CNIH3: variants seen among roughly 807,000 people sequenced by gnomAD.
The protein encoded by CNIH3 is cornichon family AMPA receptor auxiliary protein 3, also known as protein cornichon homolog 3.
CNIH3 carries 14 observed loss-of-function variants against 24.1 expected under a neutral mutation model. The observed-to-expected ratio is 0.58, with a 90% CI of 0.38 to 0.91. The LOEUF is 0.91. CNIH3 is among the 40% of genes least tolerant of loss of function. The pLI is 0.00. For synonymous variants in CNIH3, 68 were observed against 73.8 expected, an observed-to-expected ratio of 0.92 and a Z score of 0.40; for missense variants, 178 against 196.8, an observed-to-expected ratio of 0.90 and a Z score of 0.57.
rs1689765219 is a variant in CNIH3, at chr1:224,739,457, C to T, written c.*101C>T. ...TGGAGGAGGGACCAGAATGAGGATA[C>T]GTGAGAAATAGACCCGGCAGGCAGT... On this transcript the variant is annotated 3_prime_UTR_variant, in exon 6 of 6. Coordinates refer to ENST00000272133, the MANE Select transcript of CNIH3 (RefSeq NM_152495.2). 1.6e-5 allele frequency: 25 copies of T among 1,567,862 alleles called. No individual in the cohort carries two copies. Among genetic ancestry groups the T allele is most frequent in the South Asian group, 7.2e-5 (6 of 83,574 alleles).
rs1678013516 is a variant in CNIH3, at chr1:224,508,683, A to C, written n.204-7058A>C. Among the ~76,000 whole-genome samples, 4 of 152,230 alleles carry C rather than the reference A, an allele frequency of 2.6e-5. No individual in the cohort carries two copies. The South Asian group carries it at 8.3e-4, about 31-fold the overall frequency. ...TGATATCCCATTACTTAGAGTATCA[A>C]ATATATCTTTAATTCAACATTCTTC... On this transcript the variant is annotated intron_variant and non_coding_transcript_variant, in intron 1 of 5. Transcript: ENST00000471578.
intron 3 of CNIH3, among the ~76,000 whole-genome samples, chr1:224,729,658 T>C (rs1038740698): frequency 6.6e-6 from 1 of 152,108 alleles, no homozygotes; most frequent in East Asian, 1.9e-4. Flanking sequence ...ATTTCTTCCT[T>C]ACAGTTACCC....
At chr1:224,588,914 G>C (rs1681624214), downstream of CNIH3, among the ~76,000 whole-genome samples, 1 of 130,634 alleles carries the variant, frequency 7.7e-6, no homozygotes, top group African/African-American at 3.2e-5. Context: ...CTTAAGTCTG[G>C]AGGTGATTAG....
intron 1 of CNIH3, among the ~76,000 whole-genome samples, chr1:224,624,168 G>A (rs963033626): frequency 6.6e-6 from 1 of 152,190 alleles, no homozygotes; most frequent in East Asian, 1.9e-4. Context: ...TCTCAGCTCA[G>A]CACTTGATGA....
intron 1 of CNIH3, among the ~76,000 whole-genome samples, chr1:224,660,842 G>A (rs1340716488): frequency 1.3e-5 from 2 of 152,204 alleles, no homozygotes; most frequent in South Asian, 2.1e-4. Context: ...ATTTGCAGAC[G>A]TGATGGAAAA....
At chr1:224,486,753 T>G (rs906389473) in intron 1 of CNIH3, among the ~76,000 whole-genome samples, 2 of 152,248 alleles carry the variant, frequency 1.3e-5, no homozygotes, top group Non-Finnish European at 2.9e-5. Flanking sequence ...TATTGTCATC[T>G]GCAAATTGAA....
chr1:224,548,076 A>T (rs746648454), intron 3 of CNIH3, among the ~76,000 whole-genome samples: 13 of 152,078 alleles, frequency 8.5e-5, no homozygotes, highest in African/African-American at 1.7e-4. Flanking sequence ...CTAATATCAC[A>T]GTGGGTGTAC....
At chr1:224,630,276 T>C (rs1006051728) in intron 1 of CNIH3, among the ~76,000 whole-genome samples, 3 of 152,152 alleles carry the variant, frequency 2.0e-5, no homozygotes, top group East Asian at 1.9e-4. Context: ...GGAGAGAGTG[T>C]GGACCAGGCG....
upstream of CNIH3, among the ~76,000 whole-genome samples, chr1:224,514,721 C>T (rs1217430668): frequency 1.3e-5 from 2 of 152,086 alleles, no homozygotes; most frequent in South Asian, 4.1e-4. Context: ...GTCCCAGCCA[C>T]TTGGGAGGGT....
chr1:224,531,562 G>A (rs543237544), intron 2 of CNIH3, among the ~76,000 whole-genome samples: 78 of 152,334 alleles, frequency 5.1e-4, no homozygotes, highest in African/African-American at 1.9e-3. Context: ...GTCAAGGGAG[G>A]ATTGTAGATC....
At chr1:224,726,895 A>AG (rs397819883) in intron 3 of CNIH3, among the ~76,000 whole-genome samples, 3 of 151,512 alleles carry the variant, frequency 2.0e-5, no homozygotes, top group African/African-American at 7.3e-5. Context: ...AAAAAAAAAA[A>AG]GTGTTTTCCA....
rs1394897357 is a variant in CNIH3 at position 224,739,596 on chromosome 1, G to A, written c.*240G>A. ...TTCGAATTCCACACACGGGGTCCTA[G>A]AGCCCTTCTGAGCATCAGTGGTGTG... On this transcript the variant is annotated 3_prime_UTR_variant, in exon 6 of 6. Coordinates refer to ENST00000272133, the MANE Select transcript of CNIH3 (RefSeq NM_152495.2). 1.6e-6 allele frequency: 1 copy of A among 643,206 alleles called. No homozygotes were observed. Among genetic ancestry groups the A allele is most frequent in the African/African-American group, 1.9e-5 (1 of 53,684 alleles). The allele number at this position is 643,206 out of a possible 1,614,324, so 39.8% of individuals were successfully genotyped here.
chr1:224,606,192 T>C (rs1018322206), intron 3 of CNIH3, among the ~76,000 whole-genome samples: 1 of 152,162 alleles, frequency 6.6e-6, no homozygotes, highest in African/African-American at 2.4e-5. Context: ...CTTTTAGTTT[T>C]GCCATCCATG....
chr1:224,469,512 T>G (rs1305520050), intron 1 of CNIH3, among the ~76,000 whole-genome samples: 1 of 152,172 alleles, frequency 6.6e-6, no homozygotes, highest in East Asian at 1.9e-4. Flanking sequence ...TTTTTATTAT[T>G]TATTTGTTTT....
chr1:224,578,000 T>C (rs904474443), intron 4 of CNIH3, among the ~76,000 whole-genome samples: 8 of 152,046 alleles, frequency 5.3e-5, no homozygotes, highest in Admixed American at 1.3e-4. Context: ...TTCTCACTTA[T>C]GAGCAGGAGC....
chr1:224,573,669 A>C (rs927234678), intron 4 of CNIH3, among the ~76,000 whole-genome samples: 1 of 152,204 alleles, frequency 6.6e-6, no homozygotes, highest in African/African-American at 2.4e-5. Context: ...AACACCCCAT[A>C]TCAGAACTCA....
intron 3 of CNIH3, among the ~76,000 whole-genome samples, chr1:224,705,314 G>T (rs1317404701): frequency 2.0e-5 from 3 of 152,212 alleles, no homozygotes; most frequent in Non-Finnish European, 2.9e-5. Flanking sequence ...ATCAAAGGCT[G>T]CATGCTTTGC....
intron 1 of CNIH3, among the ~76,000 whole-genome samples, chr1:224,483,909 G>T (rs1351753072): frequency 6.6e-6 from 1 of 152,024 alleles, no homozygotes; most frequent in East Asian, 1.9e-4. Flanking sequence ...GTTGGCTCAC[G>T]CCTGTAATCC....
chr1:224,676,338 C>A (rs1256160385), intron 1 of CNIH3, among the ~76,000 whole-genome samples: 5 of 151,520 alleles, frequency 3.3e-5, no homozygotes. Flanking sequence ...GGTTGCTGGG[C>A]AGGGGACGGG....
Sources: allele counts gnomAD v4.1 joint callset (sites outside exome capture counted in the v4.1 genomes callset), GRCh38; gene constraint gnomAD v4.1.1; transcripts MANE v1.5; gene names NCBI Gene and HGNC (gene_info 2026-07-23, HGNC 2026-07-21).